The following CAMKMT variants were observed in gnomAD, a reference collection of about 807,000 sequenced individuals.
CAMKMT encodes the protein CaM KMT.
CAMKMT carries 53 observed loss-of-function variants against 48.0 expected under a neutral mutation model. The observed-to-expected ratio is 1.10, with a 90% CI of 0.89 to 1.39. The LOEUF is 1.39. Among genes scored for constraint, CAMKMT ranks in the 40% most tolerant of loss-of-function variants. The pLI is 0.00. For missense variants in CAMKMT, 428 were observed against 402.7 expected (o/e 1.06, Z -0.54); for synonymous variants, 165 against 152.3 (o/e 1.08, Z -0.61).
chr2:44,731,512 C>T (rs1679078543), intron 7 of CAMKMT, among the ~76,000 whole-genome samples: 2 of 152,238 alleles, frequency 1.3e-5, no homozygotes, highest in South Asian at 4.1e-4. Flanking sequence ...AGGGTGAACC[C>T]ATTTGACATT....
intron 9 of CAMKMT, among the ~76,000 whole-genome samples, chr2:44,765,185 AC>A (rs557710764): frequency 2.4e-4 from 37 of 152,196 alleles, no homozygotes; most frequent in South Asian, 1.9e-3. Flanking sequence ...CCGAGATTGC[AC>A]CACTGCACTC....
chr2:44,483,598 G>A (rs1669078734), intron 3 of CAMKMT, among the ~76,000 whole-genome samples: 2 of 152,068 alleles, frequency 1.3e-5, no homozygotes, highest in East Asian at 1.9e-4. Context: ...TGTAATTTGA[G>A]TATTAAGAAA....
chr2:44,683,913 A>G (rs1026749504), intron 3 of CAMKMT, among the ~76,000 whole-genome samples: 3 of 152,104 alleles, frequency 2.0e-5, no homozygotes, highest in African/African-American at 4.8e-5. Context: ...ACACGATTTC[A>G]TATTCTTCCA....
intron 3 of CAMKMT, among the ~76,000 whole-genome samples, chr2:44,497,698 T>C (rs1396999590): frequency 8.6e-6 from 1 of 116,778 alleles, no homozygotes; most frequent in African/African-American, 3.4e-5. Context: ...TTTAAAAAAA[T>C]TAAGCAGGCA....
At chr2:44,544,072 C>T (rs545461156) in intron 3 of CAMKMT, among the ~76,000 whole-genome samples, 111 of 152,080 alleles carry the variant, frequency 7.3e-4, no homozygotes, top group Middle Eastern at 3.4e-3. Flanking sequence ...TTGAAAAAGA[C>T]GTTTTTGAGT....
chr2:44,475,814 G>T (rs1192703481), intron 3 of CAMKMT, among the ~76,000 whole-genome samples: 2 of 152,138 alleles, frequency 1.3e-5, no homozygotes, highest in East Asian at 3.8e-4. Flanking sequence ...ATGGACCTAC[G>T]AACAGGACCC....
intron 3 of CAMKMT, among the ~76,000 whole-genome samples, chr2:44,631,039 T>C (rs551517041): frequency 1.9e-4 from 29 of 152,300 alleles, no homozygotes; most frequent in East Asian, 7.7e-4. Context: ...AAATGTGGCA[T>C]GTATACACCA....
rs113538732 is a variant in CAMKMT, at chr2:44,522,295, G to A, written c.376+131990G>A. Among the ~76,000 whole-genome samples, 577 of 152,056 alleles carry A rather than the reference G, an allele frequency of 3.8e-3. 6 individuals carry two copies. Among genetic ancestry groups the A allele is most frequent in the African/African-American group, 0.013 (532 of 41,478 alleles). Reference sequence around the variant, plus strand: ...GCTGGGATTACAGGCATGAGCCACCGAGCCCGGCCCCTCTTTTCATTTCAT... The same window carrying A: ...GCTGGGATTACAGGCATGAGCCACCAAGCCCGGCCCCTCTTTTCATTTCAT... On this transcript the variant is annotated intron_variant, in intron 3 of 10. Coordinates refer to ENST00000378494, the MANE Select transcript of CAMKMT (RefSeq NM_024766.5).
At chr2:44,514,551 T>C (rs932217465) in intron 3 of CAMKMT, among the ~76,000 whole-genome samples, 6 of 152,110 alleles carry the variant, frequency 3.9e-5, no homozygotes, top group African/African-American at 1.2e-4. Flanking sequence ...CTACATGGAT[T>C]AATCAAGGAT....
intron 3 of CAMKMT, among the ~76,000 whole-genome samples, chr2:44,450,720 A>G (rs1381970776): frequency 6.6e-6 from 1 of 152,156 alleles, no homozygotes; most frequent in Non-Finnish European, 1.5e-5. Flanking sequence ...ATAAAAAAGT[A>G]CAATTCACTA....
intron 7 of CAMKMT, among the ~76,000 whole-genome samples, chr2:44,727,717 C>G (rs1678865313): frequency 6.6e-6 from 1 of 152,046 alleles, no homozygotes; most frequent in African/African-American, 2.4e-5. Context: ...GAGCTTTTGC[C>G]CATTCAGGAT....
At chr2:44,520,832 T>G (rs1440830230) in intron 3 of CAMKMT, among the ~76,000 whole-genome samples, 1 of 152,164 alleles carries the variant, frequency 6.6e-6, no homozygotes, top group Non-Finnish European at 1.5e-5. Flanking sequence ...GAGTGAGTCT[T>G]ATGAGATCTG....
At chr2:44,523,473 T>C (rs1042551671) in intron 3 of CAMKMT, among the ~76,000 whole-genome samples, 16 of 151,818 alleles carry the variant, frequency 1.1e-4, no homozygotes, top group Non-Finnish European at 2.4e-4. Context: ...TTTGCATTTT[T>C]TTGTAGAGAA....
At chr2:44,440,291 TCA>T (rs1174995861) in intron 3 of CAMKMT, among the ~76,000 whole-genome samples, 1 of 152,102 alleles carries the variant, frequency 6.6e-6, no homozygotes, top group Non-Finnish European at 1.5e-5. Context: ...CTCAGGGAAA[TCA>T]CACAAAGAGT....
At chr2:44,460,734 T>C (rs1315511722) in intron 3 of CAMKMT, among the ~76,000 whole-genome samples, 10 of 148,346 alleles carry the variant, frequency 6.7e-5, no homozygotes, top group Admixed American at 5.4e-4. Context: ...TTTTTTTTTT[T>C]TTTTGAGACA....
intron 3 of CAMKMT, among the ~76,000 whole-genome samples, chr2:44,495,635 C>T (rs1441070355): frequency 6.6e-6 from 1 of 152,092 alleles, no homozygotes; most frequent in Non-Finnish European, 1.5e-5. Context: ...TTATTGTAGG[C>T]CAAGGATGTC....
At chr2:44,364,560 T>C (rs975400474) in intron 1 of CAMKMT, among the ~76,000 whole-genome samples, 1 of 152,196 alleles carries the variant, frequency 6.6e-6, no homozygotes. Context: ...CCTGGTTAAT[T>C]GATTTTTAGT....
rs1234134058 is a variant in CAMKMT, at chr2:44,686,408, C to A, written c.377-17875C>A. 8.2e-4 allele frequency among the ~76,000 whole-genome samples: 114 copies of A among 139,502 alleles called. 1 individual carries two copies. Among genetic ancestry groups the A allele is most frequent in the East Asian group, 2.5e-3 (12 of 4,822 alleles). 91.5% of individuals were successfully genotyped at this position (139,502 alleles called of 152,430 possible). On this transcript the variant is annotated intron_variant, in intron 3 of 10. Coordinates refer to ENST00000378494, the MANE Select transcript of CAMKMT (RefSeq NM_024766.5). Reference sequence around the variant, plus strand: ...ACTCTGCCTCAAAAAAAAAAAAAAACAAAACAAAAAACAAACAAACAAAAA... The same window carrying A: ...ACTCTGCCTCAAAAAAAAAAAAAAAAAAAACAAAAAACAAACAAACAAAAA...
intron 8 of CAMKMT, among the ~76,000 whole-genome samples, chr2:44,752,969 G>A (rs537162347): frequency 1.3e-5 from 2 of 152,304 alleles, no homozygotes; most frequent in South Asian, 2.1e-4. Flanking sequence ...CGACCTGCAA[G>A]TTCAGATAAG....
Sources: allele counts gnomAD v4.1 joint callset (sites outside exome capture counted in the v4.1 genomes callset), GRCh38; gene constraint gnomAD v4.1.1; transcripts MANE v1.5; gene names NCBI Gene and HGNC (gene_info 2026-07-23, HGNC 2026-07-21).